The following PLCXD3 variants were observed in gnomAD, a reference collection of about 807,000 sequenced individuals.
The protein encoded by PLCXD3 is PI-PLC X domain-containing protein 3.
In PLCXD3, 19 loss-of-function variants were observed where a neutral mutation model predicts 25.5. The observed-to-expected ratio is 0.75, with a 90% CI of 0.52 to 1.09. The LOEUF (loss-of-function observed/expected upper bound fraction) is 1.09, where lower values mean the gene tolerates loss of function less well. Among genes scored for constraint, PLCXD3 ranks in the 50% least tolerant of loss-of-function variants. The probability of loss-of-function intolerance (pLI) is 0.00; values close to 1 mark genes in which losing one functional copy is unlikely to be tolerated. For synonymous variants in PLCXD3, 174 were observed against 137.6 expected (o/e 1.26, Z -1.85); for missense variants, 411 against 388.1 (o/e 1.06, Z -0.50).
At chr5:41,369,442 C>T (rs895245501) in intron 2 of PLCXD3, among the ~76,000 whole-genome samples, 9 of 151,986 alleles carry the variant, frequency 5.9e-5, no homozygotes, top group Admixed American at 5.9e-4. Flanking sequence ...CTGAAATATG[C>T]CCATTAATTA....
chr5:41,484,419 G>A (rs890946584), intron 1 of PLCXD3, among the ~76,000 whole-genome samples: 1 of 151,994 alleles, frequency 6.6e-6, no homozygotes, highest in Non-Finnish European at 1.5e-5. Context: ...GCATTTCTAG[G>A]CTTTGAAGTC....
At chr5:41,320,295 C>T (rs1466048014) in intron 2 of PLCXD3, among the ~76,000 whole-genome samples, 1 of 151,980 alleles carries the variant, frequency 6.6e-6, no homozygotes, top group East Asian at 1.9e-4. Flanking sequence ...AAACCAAAGA[C>T]ACACCTAAAA....
intron 1 of PLCXD3, among the ~76,000 whole-genome samples, chr5:41,431,419 C>A (rs2925729): frequency 6.6e-6 from 1 of 152,178 alleles, no homozygotes; most frequent in Non-Finnish European, 1.5e-5. Context: ...GTATTACTTA[C>A]TGATGACTTT....
At chr5:41,420,760 C>T (rs780886691) in intron 1 of PLCXD3, among the ~76,000 whole-genome samples, 2 of 152,166 alleles carry the variant, frequency 1.3e-5, no homozygotes, top group Non-Finnish European at 2.9e-5. Context: ...TACAAAATGG[C>T]GTTGTGTCAG....
chr5:41,370,963 T>C (rs886787674), intron 2 of PLCXD3, among the ~76,000 whole-genome samples: 4 of 152,150 alleles, frequency 2.6e-5, no homozygotes, highest in African/African-American at 7.2e-5. Context: ...CTCTCCATCA[T>C]CTGGGAAATT....
At chr5:41,497,455 T>C (rs907847109) in intron 1 of PLCXD3, among the ~76,000 whole-genome samples, 5 of 151,818 alleles carry the variant, frequency 3.3e-5, no homozygotes, top group Admixed American at 6.6e-5. Flanking sequence ...TATGATGATA[T>C]AATTGGATGA....
chr5:41,495,378 G>A (rs1434220465), intron 1 of PLCXD3, among the ~76,000 whole-genome samples: 1 of 152,216 alleles, frequency 6.6e-6, no homozygotes. Flanking sequence ...CCTGAGGTAA[G>A]CTGACAGAAG....
At chr5:41,367,011 T>C (rs1389405108) in intron 2 of PLCXD3, among the ~76,000 whole-genome samples, 1 of 152,248 alleles carries the variant, frequency 6.6e-6, no homozygotes, top group Non-Finnish European at 1.5e-5. Context: ...GATGCATATA[T>C]ACCACATTTT....
intron 1 of PLCXD3, among the ~76,000 whole-genome samples, chr5:41,458,709 C>T (rs1202848004): frequency 6.6e-6 from 1 of 151,704 alleles, no homozygotes; most frequent in Non-Finnish European, 1.5e-5. Context: ...TCACAGAAAA[C>T]TAAAGCAGAA....
chr5:41,366,053 A>G (rs1028051156), intron 2 of PLCXD3, among the ~76,000 whole-genome samples: 16 of 151,932 alleles, frequency 1.1e-4, no homozygotes, highest in African/African-American at 3.6e-4. Context: ...TTAACTCGTC[A>G]TTTATATTAG....
intron 2 of PLCXD3, among the ~76,000 whole-genome samples, chr5:41,370,698 A>G (rs1745069533): frequency 6.6e-6 from 1 of 152,048 alleles, no homozygotes. Context: ...CTCAACACAA[A>G]CATCTGGATC....
intron 1 of PLCXD3, among the ~76,000 whole-genome samples, chr5:41,433,150 G>C (rs1747158049): frequency 6.6e-6 from 1 of 152,128 alleles, no homozygotes. Context: ...TTGCCTTTGT[G>C]GCTACTCATC....
chr5:41,503,902 C>T (rs146847314), intron 1 of PLCXD3, among the ~76,000 whole-genome samples: 2 of 152,240 alleles, frequency 1.3e-5, no homozygotes, highest in African/African-American at 4.8e-5. Context: ...GGCATCCTCA[C>T]TGGTGGTAAT....
intron 1 of PLCXD3, among the ~76,000 whole-genome samples, chr5:41,491,118 G>A (rs1476528283): frequency 6.6e-6 from 1 of 152,182 alleles, no homozygotes; most frequent in Non-Finnish European, 1.5e-5. Flanking sequence ...GTGTCCCAGA[G>A]ATTGTGGCAT....
chr5:41,412,338 A>G (rs1334875731), intron 1 of PLCXD3, among the ~76,000 whole-genome samples: 3 of 22,194 alleles, frequency 1.4e-4, no homozygotes, highest in Admixed American at 8.3e-4. Context: ...TTCCTTTATA[A>G]GTATGTGTTT....
chr5:41,507,203 T>C (rs1256860953), intron 1 of PLCXD3, among the ~76,000 whole-genome samples: 1 of 152,212 alleles, frequency 6.6e-6, no homozygotes, highest in African/African-American at 2.4e-5. Context: ...TTATACTTTG[T>C]CTTCCTGCTT....
intron 2 of PLCXD3, among the ~76,000 whole-genome samples, chr5:41,342,811 A>G (rs946420052): frequency 2.0e-5 from 3 of 152,196 alleles, no homozygotes; most frequent in African/African-American, 7.2e-5. Flanking sequence ...TTTATAACAT[A>G]CTTAGCTATT....
At chr5:41,393,072 T>C (rs781560263) in intron 1 of PLCXD3, among the ~76,000 whole-genome samples, 1 of 151,886 alleles carries the variant, frequency 6.6e-6, no homozygotes. Flanking sequence ...ATCTAGAAAA[T>C]AGCACCAAAA....
At chr5:41,354,891 C>G (rs1744574582) in intron 2 of PLCXD3, among the ~76,000 whole-genome samples, 1 of 152,186 alleles carries the variant, frequency 6.6e-6, no homozygotes, top group Non-Finnish European at 1.5e-5. Context: ...AGGAAGGCCC[C>G]TTATAATATG....
Sources: allele counts gnomAD v4.1 joint callset (sites outside exome capture counted in the v4.1 genomes callset), GRCh38; gene constraint gnomAD v4.1.1; transcripts MANE v1.5; gene names NCBI Gene and HGNC (gene_info 2026-07-23, HGNC 2026-07-21).